Variants in THOC5 observed in about 807,000 individuals in gnomAD.
The protein encoded by THOC5 is THO complex subunit 5.
A neutral mutation model predicts 92.9 loss-of-function variants in THOC5; 43 were observed. The ratio of observed to expected loss-of-function variants is 0.46; its 90% confidence interval spans 0.36 to 0.60. THOC5 has a LOEUF of 0.60. Among genes scored for constraint, THOC5 ranks in the 20% least tolerant of loss-of-function variants. THOC5 has a pLI of 0.00. For synonymous variants in THOC5, 296 were observed against 320.1 expected (o/e 0.92, Z 0.80); for missense variants, 659 against 849.4 (o/e 0.78, Z 2.79).
intron 12 of THOC5, among the ~76,000 whole-genome samples, chr22:29,522,706 TA>T (rs972285256): frequency 5.3e-5 from 8 of 151,852 alleles, no homozygotes; most frequent in African/African-American, 1.9e-4. Context: ...AGTAAGGGAT[TA>T]AAAAAACCTT....
At chr22:29,537,629 C>G (rs998983005) in intron 6 of THOC5, among the ~76,000 whole-genome samples, 5 of 152,018 alleles carry the variant, frequency 3.3e-5, no homozygotes, top group Non-Finnish European at 5.9e-5. Context: ...CAGTGGCTCA[C>G]GCCTGTAATC....
chr22:29,525,554 G>A (rs539746281), intron 12 of THOC5, among the ~76,000 whole-genome samples: 1 of 152,324 alleles, frequency 6.6e-6, no homozygotes, highest in South Asian at 2.1e-4. Context: ...ACTTTCCACT[G>A]GTAGCAAAAA....
At chr22:29,545,759 G>C (rs2064004171) in intron 2 of THOC5, among the ~76,000 whole-genome samples, 1 of 152,168 alleles carries the variant, frequency 6.6e-6, no homozygotes, top group South Asian at 2.1e-4. Context: ...CTCCCTCCTG[G>C]CTGCTTTCAT....
intron 17 of THOC5, among the ~76,000 whole-genome samples, chr22:29,512,557 TTTC>T (rs2063245800): frequency 6.6e-6 from 1 of 152,244 alleles, no homozygotes; most frequent in Non-Finnish European, 1.5e-5. Context: ...TTTTCTCTAT[TTTC>T]TTCATTTGAT....
chr22:29,529,048 T>C, intron 9 of THOC5, 114 bp downstream of exon 9: 1 of 1,060,472 alleles, frequency 9.4e-7, no homozygotes. Flanking sequence ...GCTAAGACAT[T>C]CAAGTCAAGC....
intron 19 of THOC5, among the ~76,000 whole-genome samples, chr22:29,509,174 G>A (rs938170522): frequency 6.6e-6 from 1 of 151,018 alleles, no homozygotes; most frequent in African/African-American, 2.4e-5. Context: ...ACACAACAAA[G>A]CCCTTCAAGA....
rs562172684 is a variant in THOC5 at position 29,553,163 on chromosome 22, T to C, written c.-12+508A>G. Among the ~76,000 whole-genome samples, 4 of 152,332 alleles carry C rather than the reference T, an allele frequency of 2.6e-5. No individual in the cohort carries two copies. The South Asian group carries it at 8.3e-4, about 32-fold the overall frequency. On this transcript the variant is annotated intron_variant, in intron 1 of 19. Coordinates refer to ENST00000490103, the MANE Select transcript of THOC5 (RefSeq NM_003678.5). Reference sequence around the variant, plus strand: ...GACCTTTGTTCACTTGTTTATCTGCTGACCTTCCCTCCACTATTGTCCTAT... The same window carrying C: ...GACCTTTGTTCACTTGTTTATCTGCCGACCTTCCCTCCACTATTGTCCTAT...
In THOC5 at chr22:29,507,902, G is replaced by A. The variant is rs550301445; in HGVS notation, c.*555C>T. 2.3e-3 allele frequency: 352 copies of A among 155,216 alleles called. No homozygotes were observed. Among genetic ancestry groups the A allele is most frequent in the African/African-American group, 7.8e-3 (324 of 41,590 alleles). 9.6% of individuals were successfully genotyped at this position (155,216 alleles called of 1,614,324 possible). On this transcript the variant is annotated 3_prime_UTR_variant, in exon 20 of 20. Transcript: ENST00000490103. ...TGTTGGTGCCCCTAACCCCTGAGTT[G>A]TTCAAGGATCAACTGAGTTTGTCTT...
chr22:29,553,704 G>A lies in THOC5; in HGVS notation c.-45C>T, dbSNP rs768098652. The A allele has an allele frequency of 1.8e-4, 28 of 152,586 alleles. No individual in the cohort carries two copies. The highest frequency in any genetic ancestry group is 2.5e-4 in the Non-Finnish European group (17 of 68,156). 9.5% of individuals were successfully genotyped at this position (152,586 alleles called of 1,614,324 possible). On this transcript the variant is annotated 5_prime_UTR_variant, in exon 1 of 20. Coordinates refer to ENST00000490103, the MANE Select transcript of THOC5 (RefSeq NM_003678.5). ...TCCAAGAACCTGGCACCGGGAGTAA[G>A]CCACTGCCGGAGGCGGAGCAAAGCT...
intron 17 of THOC5, among the ~76,000 whole-genome samples, chr22:29,513,146 C>T (rs567480392): frequency 6.6e-6 from 1 of 150,660 alleles, no homozygotes; most frequent in Admixed American, 6.6e-5. Flanking sequence ...ATCAGGAGAT[C>T]GAGACCATCC....
At chr22:29,547,990 C>T (rs542390825) in intron 2 of THOC5, among the ~76,000 whole-genome samples, 19 of 152,162 alleles carry the variant, frequency 1.2e-4, no homozygotes, top group South Asian at 6.2e-4. Flanking sequence ...TTTTACATGG[C>T]GGCAGCAAAA....
intron 1 of THOC5, among the ~76,000 whole-genome samples, chr22:29,551,205 G>A (rs1437856542): frequency 3.3e-5 from 5 of 152,140 alleles, no homozygotes; most frequent in East Asian, 3.9e-4. Context: ...AGGCTGAGGC[G>A]GGTGGATCAC....
At chr22:29,538,185 T>C (rs935248658) in intron 6 of THOC5, among the ~76,000 whole-genome samples, 1 of 152,084 alleles carries the variant, frequency 6.6e-6, no homozygotes, top group African/African-American at 2.4e-5. Flanking sequence ...GGTTTCACCA[T>C]GTTAGCCAGG....
chr22:29,528,004 G>C (rs1321323870), intron 11 of THOC5, 74 bp downstream of exon 11: 13 of 1,452,474 alleles, frequency 9.0e-6, no homozygotes, highest in African/African-American at 1.4e-5. Context: ...TTTGGCTCCC[G>C]GACCCTCTGC....
chr22:29,548,481 G>C (rs577279594), intron 2 of THOC5, among the ~76,000 whole-genome samples: 17 of 152,126 alleles, frequency 1.1e-4, no homozygotes, highest in Non-Finnish European at 2.4e-4. Context: ...CTTGAGCCCA[G>C]GAAATGCAGT....
At chr22:29,509,483 C>A (rs2063183390) in intron 19 of THOC5, among the ~76,000 whole-genome samples, 1 of 152,112 alleles carries the variant, frequency 6.6e-6, no homozygotes, top group South Asian at 2.1e-4. Context: ...ACCAGCTCCA[C>A]CTCCCAGCAG....
At position 29,508,190 on chromosome 22, in the gene THOC5, AATCTTTTTCC is replaced by A; in HGVS notation, c.*257_*266del. ...GGTGAGCATCTCTCTGCAGAATTGG[AATCTTTTTCC>A]ACTCTGCTTTTATTGGCTGCTGAGA... On this transcript the variant is annotated 3_prime_UTR_variant, in exon 20 of 20. Coordinates refer to ENST00000490103, the MANE Select transcript of THOC5 (RefSeq NM_003678.5). The A allele has an allele frequency of 1.9e-6, 1 of 515,974 alleles. No individual in the cohort carries two copies. The highest frequency in any genetic ancestry group is 3.5e-6 in the Non-Finnish European group (1 of 288,854). 32.0% of individuals were successfully genotyped at this position (515,974 alleles called of 1,614,324 possible). A position where few individuals can be genotyped will look rare whatever the true frequency, so the allele number is the denominator to read the frequency against.
chr22:29,549,981 C>T (rs2064108616), intron 1 of THOC5, among the ~76,000 whole-genome samples: 1 of 152,122 alleles, frequency 6.6e-6, no homozygotes, highest in Non-Finnish European at 1.5e-5. Flanking sequence ...CTCTATGAAT[C>T]ATTTACCTGT....
At chr22:29,531,099 AT>A in intron 8 of THOC5, 1 of 1,188,324 alleles carries the variant, frequency 8.4e-7, no homozygotes, top group South Asian at 1.6e-5. Flanking sequence ...GGCTGGGAGG[AT>A]TTCATATGAG....
Sources: allele counts gnomAD v4.1 joint callset (sites outside exome capture counted in the v4.1 genomes callset), GRCh38; gene constraint gnomAD v4.1.1; transcripts MANE v1.5; gene names NCBI Gene and HGNC (gene_info 2026-07-23, HGNC 2026-07-21).